The following NUPR2 variants were observed in gnomAD, a reference collection of about 807,000 sequenced individuals.
The protein encoded by NUPR2 is nuclear protein 2, transcriptional regulator.
NUPR2 carries 14 observed loss-of-function variants against 7.3 expected under a neutral mutation model. That is an observed-to-expected ratio of 1.93 (90% CI 1.27 to 3.01). The LOEUF (loss-of-function observed/expected upper bound fraction) is 3.01, where lower values mean the gene tolerates loss of function less well. NUPR2 is among the 30% of genes most tolerant of loss of function. The pLI is 0.00. For missense variants in NUPR2, 162 were observed against 143.7 expected, an observed-to-expected ratio of 1.13 and a Z score of -0.65; for synonymous variants, 56 against 59.7, an observed-to-expected ratio of 0.94 and a Z score of 0.29.
intron 1 of NUPR2, among the ~76,000 whole-genome samples, chr7:56,115,429 T>TATTTG (rs1554376538): frequency 1.9e-4 from 6 of 30,994 alleles, no homozygotes; most frequent in Non-Finnish European, 3.3e-4. Flanking sequence ...ATATATATAT[T>TATTTG]TGTGTGTGTG....
chr7:56,115,429 TTGTGTGTGTGTGTGTGTG>T (rs59426127), intron 1 of NUPR2, among the ~76,000 whole-genome samples: 1 of 30,988 alleles, frequency 3.2e-5, no homozygotes, highest in African/African-American at 1.5e-4. Flanking sequence ...ATATATATAT[TTGTGTGTGTGTGTGTGTG>T]TGTGTGTGTG....
intron 1 of NUPR2, among the ~76,000 whole-genome samples, chr7:56,115,413 A>ATG (rs1785524467): frequency 4.3e-5 from 2 of 46,364 alleles, no homozygotes; most frequent in South Asian, 6.7e-4. Context: ...ATATATATAT[A>ATG]TATATATATA....
Position 56,116,198 on chromosome 7 carries a change from G to C in NUPR2, c.117C>G (p.Asp39Glu). 6.5e-7 allele frequency: 1 copy of C among 1,548,904 alleles called. No individual in the cohort carries two copies. The highest frequency in any genetic ancestry group is 8.7e-7 in the Non-Finnish European group (1 of 1,145,996). Reference protein sequence around the residue: ...YDCLDYYYLRDFPACGAGRSK... With the variant: ...YDCLDYYYLREFPACGAGRSK... ...TGCGCCCTGCCCCGCAGGCCGGGAA[G>C]TCGCGCAGGTAGTAGTAGTCCAGGC... is the stretch of plus-strand genomic sequence containing the variant. Residue 39 changes from aspartate (D) to glutamate (E), a missense_variant, in exon 1 of 2, where the codon GAC becomes GAG. Transcript: ENST00000329309.
chr7:56,115,184 C>T (rs945889197), intron 1 of NUPR2, among the ~76,000 whole-genome samples: 1 of 151,872 alleles, frequency 6.6e-6, no homozygotes, highest in Admixed American at 6.6e-5. Flanking sequence ...GATACGTCTG[C>T]CTGGGCCTCC....
intron 1 of NUPR2, among the ~76,000 whole-genome samples, chr7:56,115,169 A>G (rs1322023492): frequency 6.6e-6 from 1 of 151,782 alleles, no homozygotes; most frequent in African/African-American, 2.4e-5. Context: ...CTCCTGAGCT[A>G]AAGTGATACG....
Position 56,116,136 on chromosome 7 carries a change from G to A in NUPR2, c.179C>T (p.Thr60Ile), listed in dbSNP as rs1157174527. The change falls in exon 1 of 2, where the codon ACC becomes ATC. Residue 60 changes from threonine to isoleucine, a missense_variant. Thr to Ile is a moderately conservative substitution (Grantham distance 89). Coordinates refer to ENST00000329309, the MANE Select transcript of NUPR2 (RefSeq NM_001145712.2). Reference sequence around the variant, plus strand: ...GTGCCCGCCAGGTGCAGGCCAGTTGGTGCGCAGCGCCTGCTCGCGCCGAGT... The same window carrying A: ...GTGCCCGCCAGGTGCAGGCCAGTTGATGCGCAGCGCCTGCTCGCGCCGAGT... ...GRTRREQALR[T>I]NWPAPGGHER... The A allele has an allele frequency of 6.5e-7, 1 of 1,546,282 alleles. No homozygotes were observed. Among genetic ancestry groups the A allele is most frequent in the Admixed American group, 2.0e-5 (1 of 50,766 alleles).
At chr7:56,115,942 C>A in intron 1 of NUPR2, 73 bp downstream of exon 1, 1 of 1,292,158 alleles carries the variant, frequency 7.7e-7, no homozygotes, top group Non-Finnish European at 1.0e-6. Context: ...CCAGGGCGAG[C>A]AGCGCCGCGC....
chr7:56,116,265 C>T lies in NUPR2; in HGVS notation c.50G>A (p.Arg17Gln), dbSNP rs1297724796. The T allele has an allele frequency of 6.5e-7, 1 of 1,534,400 alleles. No homozygotes were observed. The highest frequency in any genetic ancestry group is 8.8e-7 in the Non-Finnish European group (1 of 1,140,510). The change falls in exon 1 of 2, where the codon CGG becomes CAG. Residue 17 changes from arginine to glutamine, a missense_variant. Transcript: ENST00000329309. ...CTCGTAGCTTATGGGTGGCGGCGGC[C>T]GAGCCAGAGCCTGCAGACGTGGAAG... ...RALPRLQALA[R>Q]PPPPISYEEE... is the part of the protein sequence containing the mutation.
Position 56,115,429 on chromosome 7 carries a change from T to TG in NUPR2, c.*7-533_*7-532insC, listed in dbSNP as rs1554376538. ...TATATATATATATATATATATATATTTGTGTGTGTGTGTGTGTGTGTGTGT... is the reference window on the plus strand; with the variant it reads ...TATATATATATATATATATATATATTGTGTGTGTGTGTGTGTGTGTGTGTGT... On this transcript the variant is annotated intron_variant, in intron 1 of 1. Transcript: ENST00000329309. Among the ~76,000 whole-genome samples, 48 of 30,976 alleles carry TG rather than the reference T, an allele frequency of 1.5e-3. 2 individuals carry two copies. Among genetic ancestry groups the TG allele is most frequent in the Admixed American group, 0.014 (28 of 2,042 alleles). The allele number at this position is 30,976 out of a possible 152,430, so 20.3% of individuals were successfully genotyped here. A position where few individuals can be genotyped will look rare whatever the true frequency, so the allele number is the denominator to read the frequency against.
chr7:56,115,429 T>TTGTGTG lies in NUPR2; in HGVS notation c.*7-538_*7-533dup, dbSNP rs59426127. ...TATATATATATATATATATATATAT[T>TTGTGTG]TGTGTGTGTGTGTGTGTGTGTGTGT... On this transcript the variant is annotated intron_variant, in intron 1 of 1. Coordinates refer to ENST00000329309, the MANE Select transcript of NUPR2 (RefSeq NM_001145712.2). 7.1e-4 allele frequency among the ~76,000 whole-genome samples: 22 copies of TTGTGTG among 31,000 alleles called. 3 individuals are homozygous for TTGTGTG. The highest frequency in any genetic ancestry group is 2.3e-3 in the South Asian group (2 of 888). The allele number at this position is 31,000 out of a possible 152,430, so 20.3% of individuals were successfully genotyped here.
Position 56,116,273 on chromosome 7 carries a change from AGCCTGCAGACGTGGAAGCGCCCGCTCT to A in NUPR2, c.15_41del (p.Glu6_Ala14del), listed in dbSNP as rs767134226. 6.6e-7 allele frequency: 1 copy of A among 1,525,736 alleles called. No individual in the cohort carries two copies. The highest frequency in any genetic ancestry group is 1.2e-5 in the South Asian group (1 of 82,116). 94.5% of individuals were successfully genotyped at this position (1,525,736 alleles called of 1,614,324 possible). A position where few individuals can be genotyped will look rare whatever the true frequency, so the allele number is the denominator to read the frequency against. On this transcript the variant is annotated inframe_deletion, in exon 1 of 2. Coordinates refer to ENST00000329309, the MANE Select transcript of NUPR2 (RefSeq NM_001145712.2). ...TTATGGGTGGCGGCGGCCGAGCCAG[AGCCTGCAGACGTGGAAGCGCCCGCTCT>A]GCGGGCGCTTCCATCCTGCCCAGGC...
intron 1 of NUPR2, among the ~76,000 whole-genome samples, chr7:56,115,422 TA>T (rs1785526855): frequency 1.8e-5 from 1 of 55,300 alleles, no homozygotes; most frequent in Non-Finnish European, 3.1e-5. Context: ...TATATATATA[TA>T]TATATTTGTG....
At chr7:56,115,452 TG>T (rs1785532050) in intron 1 of NUPR2, among the ~76,000 whole-genome samples, 1 of 59,204 alleles carries the variant, frequency 1.7e-5, no homozygotes, top group Non-Finnish European at 3.3e-5. Context: ...TGTGTGTGTG[TG>T]TGTGTGTGTG....
intron 1 of NUPR2, among the ~76,000 whole-genome samples, chr7:56,115,429 T>TATATATTTG (rs1554376538): frequency 9.7e-5 from 3 of 31,000 alleles, no homozygotes; most frequent in African/African-American, 1.5e-4. Context: ...ATATATATAT[T>TATATATTTG]TGTGTGTGTG....
chr7:56,116,254 G>GT lies in NUPR2; in HGVS notation c.60dup (p.Pro21ThrfsTer92). The GT allele has an allele frequency of 6.5e-7, 1 of 1,539,280 alleles. No homozygotes were observed. The highest frequency in any genetic ancestry group is 2.0e-5 in the Admixed American group (1 of 50,098). On this transcript the variant is annotated frameshift_variant, in exon 1 of 2. Transcript: ENST00000329309. LOFTEE classifies it high-confidence loss of function. ...TAAAGCTCCTCCTCGTAGCTTATGG[G>GT]TGGCGGCGGCCGAGCCAGAGCCTGC...
At chr7:56,115,648 T>TATATATATATATA (rs1562892028) in intron 1 of NUPR2, among the ~76,000 whole-genome samples, 17 of 128,312 alleles carry the variant, frequency 1.3e-4, no homozygotes, top group East Asian at 1.0e-3. Context: ...TATATATATA[T>TATATATATATATA]TTTAGTAGAG....
In NUPR2 at chr7:56,115,423, A is replaced by ATACG. The variant is rs1785527040; in HGVS notation, c.*7-527_*7-526insCGTA. Among the ~76,000 whole-genome samples, 6 of 37,772 alleles carry ATACG rather than the reference A, an allele frequency of 1.6e-4. 1 individual carries two copies. The highest frequency in any genetic ancestry group is 2.7e-4 in the Non-Finnish European group (6 of 21,892). The allele number at this position is 37,772 out of a possible 152,430, so 24.8% of individuals were successfully genotyped here. Reference sequence around the variant, plus strand: ...TATATATATATATATATATATATATATATATTTGTGTGTGTGTGTGTGTGT... The same window carrying ATACG: ...TATATATATATATATATATATATATATACGTATATTTGTGTGTGTGTGTGTGTGT... On this transcript the variant is annotated intron_variant, in intron 1 of 1. Coordinates refer to ENST00000329309, the MANE Select transcript of NUPR2 (RefSeq NM_001145712.2).
intron 1 of NUPR2, 62 bp downstream of exon 1, chr7:56,115,953 C>G (rs1327063312): frequency 7.5e-7 from 1 of 1,339,432 alleles, no homozygotes; most frequent in South Asian, 1.6e-5. Flanking sequence ...AGCGCCGCGC[C>G]GTGGGGGGAC....
rs58684972 is a variant in NUPR2, at chr7:56,115,428, T to TA, written c.*7-532_*7-531insT. Among the ~76,000 whole-genome samples, 291 of 45,464 alleles carry TA rather than the reference T, an allele frequency of 6.4e-3. 1 individual carries two copies. Among genetic ancestry groups the TA allele is most frequent in the Non-Finnish European group, 8.2e-3 (207 of 25,172 alleles). 29.8% of individuals were successfully genotyped at this position (45,464 alleles called of 152,430 possible). On this transcript the variant is annotated intron_variant, in intron 1 of 1. Coordinates refer to ENST00000329309, the MANE Select transcript of NUPR2 (RefSeq NM_001145712.2). ...ATATATATATATATATATATATATATTTGTGTGTGTGTGTGTGTGTGTGTG... is the reference window on the plus strand; with the variant it reads ...ATATATATATATATATATATATATATATTGTGTGTGTGTGTGTGTGTGTGTG...
Sources: allele counts gnomAD v4.1 joint callset (sites outside exome capture counted in the v4.1 genomes callset), GRCh38; gene constraint gnomAD v4.1.1; transcripts MANE v1.5; gene names NCBI Gene and HGNC (gene_info 2026-07-23, HGNC 2026-07-21).